QKI: variants seen among roughly 807,000 people sequenced by gnomAD.
The protein encoded by QKI is KH domain-containing RNA-binding protein QKI.
QKI carries 10 observed loss-of-function variants against 39.0 expected under a neutral mutation model. The observed-to-expected ratio is 0.26, with a 90% confidence interval of 0.16 to 0.43. The LOEUF is 0.43. QKI is among the 20% of genes least tolerant of loss of function. The pLI is 1.00. For missense variants in QKI, 218 were observed against 428.0 expected (o/e 0.51, Z 4.33); for synonymous variants, 204 against 155.4 (o/e 1.31, Z -2.33).
chr6:163,569,991 G>A, intron 7 of QKI: 3 of 986,346 alleles, frequency 3.0e-6, no homozygotes, highest in Non-Finnish European at 3.6e-6. Context: ...GTGTTGGCTA[G>A]TGCAAAAGGC....
chr6:163,510,023 T>G (rs1779337630), intron 3 of QKI, among the ~76,000 whole-genome samples: 1 of 151,896 alleles, frequency 6.6e-6, no homozygotes. Context: ...GAAACCAGTC[T>G]GGGCAATATG....
intron 6 of QKI, chr6:163,564,357 G>C: frequency 8.7e-7 from 1 of 1,146,292 alleles, no homozygotes; most frequent in Non-Finnish European, 1.1e-6. Flanking sequence ...GTGTGGTATA[G>C]CCATTATAAT....
intron 7 of QKI, chr6:163,567,068 TATTAA>T (rs1239030532): frequency 1.9e-6 from 2 of 1,080,154 alleles, no homozygotes; most frequent in African/African-American, 1.7e-5. Flanking sequence ...TTTGGGGAGC[TATTAA>T]ATTTTGATGT....
At chr6:163,452,400 C>T (rs907759608) in intron 1 of QKI, among the ~76,000 whole-genome samples, 3 of 152,046 alleles carry the variant, frequency 2.0e-5, no homozygotes, top group African/African-American at 7.2e-5. Flanking sequence ...TGAAAAAAAT[C>T]GTGGTAGAAA....
At chr6:163,467,745 G>A (rs1312977192) in intron 2 of QKI, among the ~76,000 whole-genome samples, 6 of 152,066 alleles carry the variant, frequency 3.9e-5, no homozygotes, top group African/African-American at 7.2e-5. Flanking sequence ...TAAGATGCTC[G>A]TTTTCCCTCA....
In QKI at chr6:163,550,606, T is replaced by C. The variant is rs78013883; in HGVS notation, c.547-11376T>C. Among the ~76,000 whole-genome samples the C allele has an allele frequency of 2.1e-3, 326 of 152,226 alleles. 6 individuals are homozygous for C. The East Asian group carries it at 0.033, about 15-fold the overall frequency. Reference sequence around the variant, plus strand: ...CCTTTTTTTCACCACTAACAAACTTTCTTAAATATACGTACGAAATATTTA... The same window carrying C: ...CCTTTTTTTCACCACTAACAAACTTCCTTAAATATACGTACGAAATATTTA... On this transcript the variant is annotated intron_variant, in intron 4 of 7. Coordinates refer to ENST00000361752, the MANE Select transcript of QKI (RefSeq NM_006775.3).
intron 1 of QKI, among the ~76,000 whole-genome samples, chr6:163,441,078 C>G (rs532069302): frequency 6.6e-6 from 1 of 152,054 alleles, no homozygotes; most frequent in Non-Finnish European, 1.5e-5. Flanking sequence ...TGATTGCAGT[C>G]CTTTTGTGCA....
chr6:163,497,716 G>C (rs1254169729), intron 3 of QKI, among the ~76,000 whole-genome samples: 1 of 151,098 alleles, frequency 6.6e-6, no homozygotes, highest in African/African-American at 2.4e-5. Context: ...TTTCTTCTCA[G>C]TATAGCTTTT....
intron 1 of QKI, among the ~76,000 whole-genome samples, chr6:163,417,969 A>T (rs1031480960): frequency 2.0e-5 from 3 of 152,100 alleles, no homozygotes; most frequent in African/African-American, 7.2e-5. Flanking sequence ...TGGTTTCTGA[A>T]GTCCATCACA....
intron 3 of QKI, among the ~76,000 whole-genome samples, chr6:163,515,562 T>C (rs1297098900): frequency 6.6e-6 from 1 of 152,164 alleles, no homozygotes; most frequent in African/African-American, 2.4e-5. Context: ...TTTGATCAAA[T>C]ACACTTGATT....
At chr6:163,512,580 TAA>T (rs1443201937) in intron 3 of QKI, among the ~76,000 whole-genome samples, 2 of 151,980 alleles carry the variant, frequency 1.3e-5, no homozygotes, top group Non-Finnish European at 1.5e-5. Context: ...TAATAACTGA[TAA>T]AGAGACAAAA....
At chr6:163,460,325 A>G (rs1037835329) in intron 2 of QKI, among the ~76,000 whole-genome samples, 1 of 152,154 alleles carries the variant, frequency 6.6e-6, no homozygotes, top group Non-Finnish European at 1.5e-5. Context: ...CATATTGTCA[A>G]AGGTTTTGTA....
intron 1 of QKI, among the ~76,000 whole-genome samples, chr6:163,438,812 GC>G (rs1320529330): frequency 6.6e-5 from 10 of 151,766 alleles, no homozygotes; most frequent in African/African-American, 2.4e-4. Context: ...TTCTTAGGCT[GC>G]CCTGAATTTA....
chr6:163,544,725 C>T (rs1327672393), intron 4 of QKI, among the ~76,000 whole-genome samples: 1 of 152,020 alleles, frequency 6.6e-6, no homozygotes, highest in Admixed American at 6.6e-5. Flanking sequence ...GGTACAGTTT[C>T]ATTAAGCAAA....
intron 3 of QKI, among the ~76,000 whole-genome samples, chr6:163,508,855 C>T (rs1779262079): frequency 6.6e-6 from 1 of 151,280 alleles, no homozygotes; most frequent in Non-Finnish European, 1.5e-5. Flanking sequence ...AGATATTTTA[C>T]TGGCCGGGCA....
At chr6:163,417,679 C>T (rs1305884082) in intron 1 of QKI, among the ~76,000 whole-genome samples, 1 of 152,134 alleles carries the variant, frequency 6.6e-6, no homozygotes, top group Non-Finnish European at 1.5e-5. Context: ...TATGATATCT[C>T]CTAGATAATG....
intron 4 of QKI, among the ~76,000 whole-genome samples, chr6:163,541,095 CTT>C (rs1446750433): frequency 6.6e-6 from 1 of 151,970 alleles, no homozygotes; most frequent in Non-Finnish European, 1.5e-5. Context: ...ACTTCTGAGA[CTT>C]TTCTTTTAAG....
intron 2 of QKI, among the ~76,000 whole-genome samples, chr6:163,467,258 A>T (rs1791834213): frequency 6.6e-6 from 1 of 152,202 alleles, no homozygotes; most frequent in African/African-American, 2.4e-5. Flanking sequence ...CACAATGTAT[A>T]CCTTGTATTA....
intron 3 of QKI, among the ~76,000 whole-genome samples, chr6:163,508,647 A>G (rs1274939206): frequency 6.6e-6 from 1 of 150,936 alleles, no homozygotes; most frequent in Non-Finnish European, 1.5e-5. Context: ...CCCCTGCCTC[A>G]GCCTCCCAAG....
Sources: gnomAD v4.1 joint callset for allele counts (sites outside exome capture counted in the v4.1 genomes callset) on GRCh38, gnomAD v4.1.1 for gene constraint, MANE v1.5 for transcripts, NCBI Gene and HGNC (gene_info 2026-07-23, HGNC 2026-07-21) for gene names.